The following CEP290 variants were observed in gnomAD, a reference collection of about 807,000 sequenced individuals.
CEP290 encodes the protein centrosomal protein 290.
In CEP290, 317 loss-of-function variants were observed where a neutral mutation model predicts 344.9. The ratio of observed to expected loss-of-function variants is 0.92; its 90% CI spans 0.84 to 1.01. The LOEUF (loss-of-function observed/expected upper bound fraction) is 1.01. Ranked by LOEUF, CEP290 falls within the 50% of genes least tolerant of loss-of-function variation. The pLI is 0.00. For missense variants in CEP290, 2,754 were observed against 2,761.4 expected (o/e 1.00, Z 0.06); for synonymous variants, 932 against 895.8 (o/e 1.04, Z -0.72).
chr12:88,104,550 T>C (rs992106982), intron 25 of CEP290, among the ~76,000 whole-genome samples: 2 of 152,042 alleles, frequency 1.3e-5, no homozygotes, highest in South Asian at 2.1e-4. Context: ...ATATAAATAT[T>C]GTATATATTA....
In CEP290 at chr12:88,054,420, G is replaced by C. The variant is rs527529973; in HGVS notation, c.6961-7C>G. The C allele has an allele frequency of 6.2e-7, 1 of 1,602,710 alleles. No individual in the cohort carries two copies. The highest frequency in any genetic ancestry group is 1.1e-5 in the South Asian group (1 of 89,862). ...CATGTTTAAGAATCTTAATCTTTGA[G>C]GACAATGAAAAGTTAGAAGATAAGG... On this transcript the variant is annotated splice_region_variant and splice_polypyrimidine_tract_variant and intron_variant, in intron 50 of 53. Coordinates refer to ENST00000552810, the MANE Select transcript of CEP290 (RefSeq NM_025114.4).
chr12:88,134,846 T>A (rs192306239), intron 6 of CEP290, among the ~76,000 whole-genome samples: 2 of 152,312 alleles, frequency 1.3e-5, no homozygotes, highest in African/African-American at 2.4e-5. Context: ...CTCCATAACA[T>A]CTCTTACCTC....
Position 88,136,692 on chromosome 12 carries a change from A to T in CEP290, c.392T>A (p.Leu131Ter). The part of the protein sequence containing the change: ...EKQLEQKDRE[L>*]EDMEKELEKE... The stretch of plus-strand genomic sequence containing the variant: ...CTCCAACTCCTTTTCCATGTCCTCC[A>T]ATTCTCTATCTTTTTGTTCTAATTG... Residue 131 changes from leucine to a stop codon, truncating the protein, a stop_gained, in exon 6 of 54, where the codon TTG becomes TAG. Transcript: ENST00000552810. LOFTEE classifies it high-confidence loss of function. 1 of 1,613,666 alleles carries T rather than the reference A, an allele frequency of 6.2e-7. No homozygotes were observed. The highest frequency in any genetic ancestry group is 1.3e-5 in the African/African-American group (1 of 75,020).
At chr12:88,131,350 G>C (rs1237760676) in intron 6 of CEP290, 132 bp from the exon 7 acceptor site, 2 of 565,824 alleles carry the variant, frequency 3.5e-6, no homozygotes, top group Non-Finnish European at 3.0e-6. Flanking sequence ...TGCAACCTCT[G>C]CCTCCCGGTT....
At chr12:88,097,073 A>T in intron 26 of CEP290, 74 bp from the exon 27 acceptor site, 1 of 735,018 alleles carries the variant, frequency 1.4e-6, no homozygotes, top group East Asian at 2.8e-5. Context: ...CATTGTCTTA[A>T]CTTTATATAA....
At chr12:88,055,774 A>T in intron 49 of CEP290, 57 bp from the exon 50 acceptor site, 1 of 1,200,244 alleles carries the variant, frequency 8.3e-7, no homozygotes, top group Non-Finnish European at 1.1e-6. Context: ...TCACTGATTT[A>T]AAAGTCAGTT....
At chr12:88,117,215 T>C (rs1377670069) in intron 17 of CEP290, 70 bp from the exon 18 acceptor site, 1 of 733,790 alleles carries the variant, frequency 1.4e-6, no homozygotes, top group African/African-American at 1.9e-5. Context: ...ACTTTAATTC[T>C]TAAAACCTAC....
At chr12:88,136,811 A>G (rs1303318249) in intron 5 of CEP290, 25 bp from the exon 6 acceptor site, 2 of 1,606,958 alleles carry the variant, frequency 1.2e-6, no homozygotes, top group Non-Finnish European at 1.7e-6. Context: ...CCCAAAGTAT[A>G]AATTAATCCC....
At chr12:88,133,367 A>C (rs1210442943) in intron 6 of CEP290, among the ~76,000 whole-genome samples, 2 of 152,080 alleles carry the variant, frequency 1.3e-5, no homozygotes, top group African/African-American at 4.8e-5. Context: ...GACTGTAGGC[A>C]TGAGTCACCA....
chr12:88,136,079 A>G (rs958117446), intron 6 of CEP290: 16 of 152,218 alleles, frequency 1.1e-4, no homozygotes, highest in Admixed American at 6.5e-5. Context: ...GGTAATAAAA[A>G]CTATGCATTA....
intron 39 of CEP290, among the ~76,000 whole-genome samples, chr12:88,078,602 T>A (rs904249557): frequency 2.6e-5 from 4 of 152,078 alleles, no homozygotes; most frequent in Admixed American, 2.0e-4. Context: ...TGGATACATA[T>A]CATTATACAT....
At chr12:88,112,905 C>T (rs1347055388) in intron 20 of CEP290, among the ~76,000 whole-genome samples, 3 of 152,070 alleles carry the variant, frequency 2.0e-5, no homozygotes, top group Non-Finnish European at 4.4e-5. Context: ...GCCGTGTCTA[C>T]ATGGACTTTG....
intron 28 of CEP290, 122 bp from the exon 29 acceptor site, chr12:88,092,954 T>C: frequency 2.3e-6 from 2 of 866,966 alleles, no homozygotes; most frequent in South Asian, 1.6e-5. Flanking sequence ...TTATATTAAG[T>C]GTGAAGTGTT....
intron 37 of CEP290, among the ~76,000 whole-genome samples, chr12:88,080,901 A>T (rs1165344762): frequency 6.6e-6 from 1 of 152,184 alleles, no homozygotes; most frequent in African/African-American, 2.4e-5. Flanking sequence ...AGACTTAACA[A>T]CACATTTTTC....
At chr12:88,086,872 A>G (rs925682452) in intron 32 of CEP290, among the ~76,000 whole-genome samples, 39 of 152,242 alleles carry the variant, frequency 2.6e-4, no homozygotes, top group Admixed American at 1.3e-4. Context: ...AAGACAGTCA[A>G]TAATAAACCA....
chr12:88,115,397 C>G (rs933817057), intron 18 of CEP290: 6 of 912,898 alleles, frequency 6.6e-6, no homozygotes, highest in Non-Finnish European at 9.6e-6. Flanking sequence ...TCCCAACATC[C>G]ATGGTAAGAG....
In CEP290 at chr12:88,139,132, C is replaced by A; in HGVS notation, c.297+13G>T. On this transcript the variant is annotated intron_variant, in intron 5 of 53. Transcript: ENST00000552810. ...AATGACAATTACATCCTAGGGAATA[C>A]AAAAAGACATACCTCCAGTTCATTT... 8.6e-7 allele frequency: 1 copy of A among 1,160,444 alleles called. No individual in the cohort carries two copies. Among genetic ancestry groups the A allele is most frequent in the Non-Finnish European group, 1.2e-6 (1 of 821,284 alleles). The allele number at this position is 1,160,444 out of a possible 1,614,324, so 71.9% of individuals were successfully genotyped here. A position where few individuals can be genotyped will look rare whatever the true frequency, so the allele number is the denominator to read the frequency against.
intron 32 of CEP290, among the ~76,000 whole-genome samples, chr12:88,087,425 T>C (rs1438587889): frequency 6.6e-6 from 1 of 152,034 alleles, no homozygotes; most frequent in African/African-American, 2.4e-5. Context: ...TAGTCATTTG[T>C]GCAATATTCT....
At chr12:88,092,115 C>A (rs980946235) in intron 29 of CEP290, among the ~76,000 whole-genome samples, 5 of 151,978 alleles carry the variant, frequency 3.3e-5, no homozygotes, top group African/African-American at 1.2e-4. Context: ...ATTTTGTGTT[C>A]TAAACTAGCT....
Sources: allele counts gnomAD v4.1 joint callset (sites outside exome capture counted in the v4.1 genomes callset), GRCh38; gene constraint gnomAD v4.1.1; transcripts MANE v1.5; gene names NCBI Gene and HGNC (gene_info 2026-07-23, HGNC 2026-07-21).